The following PCDHA2 variants were observed in gnomAD, a reference collection of about 807,000 sequenced individuals.
PCDHA2 encodes the protein protocadherin alpha-2.
Under a neutral mutation model 66.0 loss-of-function variants are expected in PCDHA2, and 58 were observed. The ratio of observed to expected loss-of-function variants is 0.88; its 90% CI spans 0.71 to 1.09. PCDHA2 has a LOEUF of 1.09. Among genes scored for constraint, PCDHA2 ranks in the 50% least tolerant of loss-of-function variants. The pLI, the probability that PCDHA2 is intolerant of heterozygous loss-of-function variation, is 0.00. For synonymous variants in PCDHA2, 634 were observed against 554.0 expected, an observed-to-expected ratio of 1.14 and a Z score of -2.03; for missense variants, 1,267 against 1,242.3, an observed-to-expected ratio of 1.02 and a Z score of -0.30.
intron 1 of PCDHA2, among the ~76,000 whole-genome samples, chr5:140,820,757 C>A (rs1581766464): frequency 6.6e-6 from 1 of 151,890 alleles, no homozygotes; most frequent in African/African-American, 2.4e-5. Flanking sequence ...GTCATATAGA[C>A]AATATTAGGA....
At chr5:140,900,073 G>T (rs1490261769) in intron 1 of PCDHA2, among the ~76,000 whole-genome samples, 1 of 152,072 alleles carries the variant, frequency 6.6e-6, no homozygotes, top group African/African-American at 2.4e-5. Flanking sequence ...GCCTCCAAAA[G>T]TGCTGCAGTT....
At chr5:140,850,442 G>A in intron 1 of PCDHA2, 1 of 1,598,036 alleles carries the variant, frequency 6.3e-7, no homozygotes, top group Non-Finnish European at 8.6e-7. Flanking sequence ...GCCTACTGGT[G>A]CTGGTGAAAG....
rs189155751 is a variant in PCDHA2 at position 140,943,432 on chromosome 5, T to C, written c.2389-35517T>C. 2.8e-3 allele frequency among the ~76,000 whole-genome samples: 419 copies of C among 152,174 alleles called. 2 individuals carry two copies. The highest frequency in any genetic ancestry group is 0.014 in the Middle Eastern group (4 of 294). Reference sequence around the variant, plus strand: ...ACTAGAGGCAAGGGCTTTAATATGATATAAAGGATAGAATTGATAAGGCTA... The same window carrying C: ...ACTAGAGGCAAGGGCTTTAATATGACATAAAGGATAGAATTGATAAGGCTA... On this transcript the variant is annotated intron_variant, in intron 1 of 3. Coordinates refer to ENST00000526136, the MANE Select transcript of PCDHA2 (RefSeq NM_018905.3).
chr5:140,841,901 C>G, intron 1 of PCDHA2: 1 of 1,613,844 alleles, frequency 6.2e-7, no homozygotes, highest in Non-Finnish European at 8.5e-7. Flanking sequence ...ACTGGTTGAG[C>G]TCGTATTAAG....
At chr5:140,836,236 C>G (rs2150256110) in intron 1 of PCDHA2, 11 of 1,613,794 alleles carry the variant, frequency 6.8e-6, no homozygotes, top group Middle Eastern at 1.6e-4. Context: ...GCGGCCGGTG[C>G]GAGCATCCCG....
At position 140,928,565 on chromosome 5, in the gene PCDHA2, C is replaced by T. The variant is rs1227327620; in HGVS notation, c.2389-50384C>T. 2.5e-6 allele frequency: 4 copies of T among 1,614,038 alleles called. No individual in the cohort carries two copies. The highest frequency in any genetic ancestry group is 3.4e-6 in the Non-Finnish European group (4 of 1,180,038). On this transcript the variant is annotated intron_variant, in intron 1 of 3. Transcript: ENST00000526136. Reference sequence around the variant, plus strand: ...GACAATTATCCGGTTATCTTGTTTCCCTTGCCCAGAAATGGTTCTGTCCCA... The same window carrying T: ...GACAATTATCCGGTTATCTTGTTTCTCTTGCCCAGAAATGGTTCTGTCCCA...
intron 1 of PCDHA2, among the ~76,000 whole-genome samples, chr5:140,957,103 A>G (rs1207553042): frequency 6.6e-6 from 1 of 152,168 alleles, no homozygotes; most frequent in Non-Finnish European, 1.5e-5. Flanking sequence ...ATTGCTATGG[A>G]CATGATTCTG....
At position 140,832,887 on chromosome 5, in the gene PCDHA2, G is replaced by C. The variant is rs118038864; in HGVS notation, c.2388+35535G>C. Among the ~76,000 whole-genome samples, 50 of 152,256 alleles carry C rather than the reference G, an allele frequency of 3.3e-4. No homozygotes were observed. The East Asian group carries it at 9.3e-3, about 28-fold the overall frequency. Reference sequence around the variant, plus strand: ...TGTTTTACTGGTTATAAAATGGAAAGAGTTTTCCCTGGGAGAATATGGAGA... The same window carrying C: ...TGTTTTACTGGTTATAAAATGGAAACAGTTTTCCCTGGGAGAATATGGAGA... On this transcript the variant is annotated intron_variant, in intron 1 of 3. Coordinates refer to ENST00000526136, the MANE Select transcript of PCDHA2 (RefSeq NM_018905.3).
At chr5:141,000,398 T>TAA in intron 3 of PCDHA2, among the ~76,000 whole-genome samples, 1 of 55,032 alleles carries the variant, frequency 1.8e-5, no homozygotes, top group African/African-American at 7.5e-5. Flanking sequence ...TCTCTCTCTA[T>TAA]ATATATATAT....
At chr5:140,850,747 C>T (rs2041801676) in intron 1 of PCDHA2, 3 of 1,597,716 alleles carry the variant, frequency 1.9e-6, no homozygotes, top group Non-Finnish European at 2.6e-6. Flanking sequence ...TGGTCGTACT[C>T]GCAGCAGAGG....
intron 1 of PCDHA2, chr5:140,928,426 TC>T (rs781827449): frequency 1.9e-6 from 3 of 1,614,134 alleles, no homozygotes; most frequent in South Asian, 2.2e-5. Context: ...TGCCAAAACT[TC>T]CTTTGACTTT....
intron 1 of PCDHA2, among the ~76,000 whole-genome samples, chr5:140,958,822 A>G (rs1554223658): frequency 6.6e-6 from 1 of 152,146 alleles, no homozygotes; most frequent in Non-Finnish European, 1.5e-5. Context: ...TTTAATTTTT[A>G]TATCTTAAAG....
chr5:140,966,924 C>T (rs1554228895), intron 1 of PCDHA2: 2 of 1,602,624 alleles, frequency 1.2e-6, no homozygotes, highest in Admixed American at 1.7e-5. Context: ...GAGGAGCAGG[C>T]ACCCGGCGCG....
chr5:140,871,729 G>C, intron 1 of PCDHA2: 1 of 714,516 alleles, frequency 1.4e-6, no homozygotes, highest in Admixed American at 3.4e-5. Context: ...TTAATATTTG[G>C]TTAGCAAATC....
At position 140,803,628 on chromosome 5, in the gene PCDHA2, T is replaced by C. The variant is rs1554122906; in HGVS notation, c.2388+6276T>C. 5 of 1,613,976 alleles carry C rather than the reference T, an allele frequency of 3.1e-6. No homozygotes were observed. The African/African-American group carries it at 4.0e-5, about 13-fold the overall frequency. On this transcript the variant is annotated intron_variant, in intron 1 of 3. Transcript: ENST00000526136. Reference sequence around the variant, plus strand: ...TTATTTATTCTTTCCAAAATGTCTTTGTTTTTCATTCCTCAATGTTTCCAC... The same window carrying C: ...TTATTTATTCTTTCCAAAATGTCTTCGTTTTTCATTCCTCAATGTTTCCAC...
intron 1 of PCDHA2, among the ~76,000 whole-genome samples, chr5:140,952,338 CAAAAA>C (rs55931446): frequency 7.4e-5 from 10 of 135,008 alleles, no homozygotes; most frequent in Admixed American, 1.5e-4. Context: ...AACTCCATCT[CAAAAA>C]AAAAAAAAAA....
intron 1 of PCDHA2, chr5:140,841,783 A>G (rs1580976899): frequency 6.2e-7 from 1 of 1,613,912 alleles, no homozygotes; most frequent in Non-Finnish European, 8.5e-7. Flanking sequence ...GGTTTCCGCT[A>G]GAGGGCGCGT....
At chr5:140,998,721 C>G (rs987484967) in intron 3 of PCDHA2, among the ~76,000 whole-genome samples, 1 of 152,084 alleles carries the variant, frequency 6.6e-6, no homozygotes, top group Non-Finnish European at 1.5e-5. Context: ...TGCACCACCA[C>G]GCTAGGCTAA....
intron 1 of PCDHA2, chr5:140,809,624 ACTT>A (rs781811577): frequency 6.6e-7 from 1 of 1,507,658 alleles, no homozygotes; most frequent in Non-Finnish European, 8.9e-7. Flanking sequence ...TTCTCTATCA[ACTT>A]CTTCGTAAAT....
Sources: allele counts gnomAD v4.1 joint callset (sites outside exome capture counted in the v4.1 genomes callset), GRCh38; gene constraint gnomAD v4.1.1; transcripts MANE v1.5; gene names NCBI Gene and HGNC (gene_info 2026-07-23, HGNC 2026-07-21).